Variants in FANCI observed in about 807,000 individuals in gnomAD.
The protein encoded by FANCI is Fanconi anemia group I protein.
FANCI carries 156 observed loss-of-function variants against 176.1 expected under a neutral mutation model. The ratio of observed to expected loss-of-function variants is 0.89; its 90% CI spans 0.78 to 1.01. FANCI has a LOEUF of 1.01. FANCI is among the 50% of genes least tolerant of loss of function. FANCI has a pLI of 0.00. For missense variants in FANCI, 1,678 were observed against 1,534.1 expected, an observed-to-expected ratio of 1.09 and a Z score of -1.57; for synonymous variants, 613 against 541.7, an observed-to-expected ratio of 1.13 and a Z score of -1.83.
At chr15:89,274,063 T>G in intron 11 of FANCI, 105 bp from the exon 12 acceptor site, 23 of 848,140 alleles carry the variant, frequency 2.7e-5, no homozygotes, top group Non-Finnish European at 3.8e-5. Flanking sequence ...ATTTATAGCA[T>G]GAGCTATATA....
intron 23 of FANCI, 75 bp downstream of exon 23, chr15:89,294,072 C>T: frequency 1.3e-6 from 2 of 1,507,428 alleles, no homozygotes; most frequent in Middle Eastern, 1.7e-4. Flanking sequence ...ACTTGTTTCA[C>T]CTCGTTTGGA....
chr15:89,268,247 C>A, intron 9 of FANCI, 152 bp from the exon 10 acceptor site: 1 of 778,510 alleles, frequency 1.3e-6, no homozygotes, highest in East Asian at 2.7e-5. Flanking sequence ...GGAATGCCAC[C>A]ACATCGGGCT....
chr15:89,247,621 C>G lies in FANCI; in HGVS notation c.-19-8C>G. 1 of 1,602,592 alleles carries G rather than the reference C, an allele frequency of 6.2e-7. No individual in the cohort carries two copies. The highest frequency in any genetic ancestry group is 8.5e-7 in the Non-Finnish European group (1 of 1,169,668). On this transcript the variant is annotated splice_region_variant and splice_polypyrimidine_tract_variant and intron_variant, in intron 1 of 37. Coordinates refer to ENST00000310775, the MANE Select transcript of FANCI (RefSeq NM_001113378.2). ...TCTTCACCCACCTCTGACGTTTTTC[C>G]CTTGTAGTTCTGTGATATGAGCAAC...
intron 3 of FANCI, among the ~76,000 whole-genome samples, chr15:89,260,336 A>G (rs565796302): frequency 6.6e-6 from 1 of 152,348 alleles, no homozygotes; most frequent in East Asian, 1.9e-4. Flanking sequence ...AAGTATTTGT[A>G]TAGAGCACAT....
At chr15:89,295,732 G>GCCCCCCCCC (rs150758657) in intron 24 of FANCI, among the ~76,000 whole-genome samples, 2 of 114,460 alleles carry the variant, frequency 1.7e-5, no homozygotes, top group African/African-American at 3.2e-5. Context: ...TTCCCCTGGC[G>GCCCCCCCCC]CCCCCCCCAC....
chr15:89,255,611 C>T (rs1438214983), intron 2 of FANCI, among the ~76,000 whole-genome samples: 1 of 152,134 alleles, frequency 6.6e-6, no homozygotes. Context: ...TAAACTCAAT[C>T]TAGCCACAAG....
At chr15:89,271,636 C>T (rs2053204174) in intron 10 of FANCI, among the ~76,000 whole-genome samples, 2 of 152,052 alleles carry the variant, frequency 1.3e-5, no homozygotes, top group East Asian at 1.9e-4. Flanking sequence ...CTAGCTAGGA[C>T]CGCAGGCGCA....
chr15:89,268,330 C>T, intron 9 of FANCI, 69 bp from the exon 10 acceptor site: 4 of 1,588,170 alleles, frequency 2.5e-6, no homozygotes, highest in Non-Finnish European at 3.4e-6. Context: ...CTTGGCCTCC[C>T]AAAGTGCTGG....
intron 34 of FANCI, 57 bp downstream of exon 34, chr15:89,307,729 C>G: frequency 6.2e-7 from 1 of 1,613,848 alleles, no homozygotes; most frequent in Non-Finnish European, 8.5e-7. Context: ...TCTTACATGC[C>G]CAGGGGACTA....
chr15:89,282,566 C>T (rs777984895), intron 16 of FANCI: 1 of 174,298 alleles, frequency 5.7e-6, no homozygotes, highest in Non-Finnish European at 1.3e-5. Flanking sequence ...TCCAGAGGAA[C>T]AACTAAGCCA....
chr15:89,313,604 G>A (rs2055052727), intron 35 of FANCI, among the ~76,000 whole-genome samples: 1 of 152,178 alleles, frequency 6.6e-6, no homozygotes, highest in Admixed American at 6.5e-5. Context: ...TGGCAAAGGT[G>A]AAAATTAGTA....
At chr15:89,305,962 G>A (rs975593425) in intron 31 of FANCI, 45 bp from the exon 32 acceptor site, 2 of 1,601,062 alleles carry the variant, frequency 1.2e-6, no homozygotes, top group African/African-American at 1.3e-5. Context: ...CTCTTAATTA[G>A]AAAACGAAGT....
chr15:89,246,336 C>A (rs2051969574), intron 1 of FANCI, among the ~76,000 whole-genome samples: 1 of 152,208 alleles, frequency 6.6e-6, no homozygotes, highest in South Asian at 2.1e-4. Flanking sequence ...TTCTTACCTT[C>A]TCCCCACTTT....
chr15:89,244,573 A>G (rs1442727413), intron 1 of FANCI, among the ~76,000 whole-genome samples: 1 of 152,046 alleles, frequency 6.6e-6, no homozygotes, highest in East Asian at 1.9e-4. Context: ...TTTTAGGATG[A>G]TTTTAGCAAA....
In FANCI at chr15:89,247,651, G is replaced by A; in HGVS notation, c.4G>A (p.Asp2Asn). ...TAGTTCTGTGATATGAGCAACAATG[G>A]ACCAGAAGATTTTATCTCTAGCAGC... is the stretch of plus-strand genomic sequence containing the variant. M[D>N]QKILSLAAEK... The change falls in exon 2 of 38, where the codon GAC becomes AAC. Residue 2 changes from aspartate to asparagine, a missense_variant. Physicochemically the swap from Asp to Asn is conservative, Grantham distance 23. Coordinates refer to ENST00000310775, the MANE Select transcript of FANCI (RefSeq NM_001113378.2). 1 of 1,613,874 alleles carries A rather than the reference G, an allele frequency of 6.2e-7. No homozygotes were observed. The highest frequency in any genetic ancestry group is 2.2e-5 in the East Asian group (1 of 44,822).
chr15:89,286,613 C>G (rs530438280), intron 18 of FANCI, among the ~76,000 whole-genome samples: 2 of 152,146 alleles, frequency 1.3e-5, no homozygotes, highest in Admixed American at 6.5e-5. Context: ...GCAAACCATG[C>G]TATAAACAGA....
chr15:89,278,600 C>T lies in FANCI; in HGVS notation c.1294-87C>T, dbSNP rs997450011. The T allele has an allele frequency of 8.1e-5, 76 of 936,372 alleles. No homozygotes were observed. The African/African-American group carries it at 1.1e-3, about 13-fold the overall frequency. 58.0% of individuals were successfully genotyped at this position (936,372 alleles called of 1,614,324 possible). On this transcript the variant is annotated intron_variant, in intron 13 of 37. Coordinates refer to ENST00000310775, the MANE Select transcript of FANCI (RefSeq NM_001113378.2). The stretch of plus-strand genomic sequence containing the variant: ...TTTTTGAGTTTTACTCATATCCAAA[C>T]GGTTCTTCATGCTGCCTGACATGCA...
chr15:89,252,964 T>C (rs571095610), intron 2 of FANCI, among the ~76,000 whole-genome samples: 2 of 152,328 alleles, frequency 1.3e-5, no homozygotes, highest in African/African-American at 2.4e-5. Flanking sequence ...AAAATTCATA[T>C]AGCAAATTGT....
chr15:89,315,507 C>G lies in FANCI; in HGVS notation c.3924+118C>G, dbSNP rs571923193. ...GAATGGGAAAGGGCTAAAAGGTGAT[C>G]AGGCAAAGATGAGAGCAAAGGACTC... On this transcript the variant is annotated intron_variant, in intron 37 of 37. Coordinates refer to ENST00000310775, the MANE Select transcript of FANCI (RefSeq NM_001113378.2). 1.2e-5 allele frequency: 9 copies of G among 737,836 alleles called. No individual in the cohort carries two copies. The South Asian group carries it at 1.3e-4, about 11-fold the overall frequency. The allele number at this position is 737,836 out of a possible 1,614,324, so 45.7% of individuals were successfully genotyped here. A position where few individuals can be genotyped will look rare whatever the true frequency, so the allele number is the denominator to read the frequency against.
Sources: gnomAD v4.1 joint callset for allele counts (sites outside exome capture counted in the v4.1 genomes callset) on GRCh38, gnomAD v4.1.1 for gene constraint, MANE v1.5 for transcripts, NCBI Gene and HGNC (gene_info 2026-07-23, HGNC 2026-07-21) for gene names.